The following FLRT2 variants were observed in gnomAD, a reference collection of about 807,000 sequenced individuals.
The protein encoded by FLRT2 is leucine-rich repeat transmembrane protein FLRT2.
A neutral mutation model predicts 40.0 loss-of-function variants in FLRT2; 15 were observed. That is an observed-to-expected ratio of 0.38 (90% CI 0.25 to 0.58). The LOEUF (loss-of-function observed/expected upper bound fraction) is 0.58, where lower values mean the gene tolerates loss of function less well. Ranked by LOEUF, FLRT2 falls within the 20% of genes least tolerant of loss-of-function variation. The pLI is 0.71. For missense variants in FLRT2, 726 were observed against 840.0 expected (o/e 0.86, Z 1.68); for synonymous variants, 380 against 336.8 (o/e 1.13, Z -1.41).
At position 85,641,073 on chromosome 14, in the gene FLRT2, G is replaced by A. The variant is rs901846545; in HGVS notation, c.*17576G>A. 1.3e-4 allele frequency: 20 copies of A among 152,186 alleles called. No homozygotes were observed. Among genetic ancestry groups the A allele is most frequent in the African/African-American group, 3.9e-4 (16 of 41,444 alleles). The allele number at this position is 152,186 out of a possible 1,614,324, so 9.4% of individuals were successfully genotyped here. A position where few individuals can be genotyped will look rare whatever the true frequency, so the allele number is the denominator to read the frequency against. On this transcript the variant is annotated 3_prime_UTR_variant, in exon 2 of 2. Coordinates refer to ENST00000330753, the MANE Select transcript of FLRT2 (RefSeq NM_013231.6). ...CAATTATTCTAATCCCTTCCACAAA[G>A]TATTTAGTCTATGACTTATTTCTGC...
intron 1 of FLRT2, among the ~76,000 whole-genome samples, chr14:85,589,745 C>G (rs1231097805): frequency 1.3e-5 from 2 of 152,092 alleles, no homozygotes; most frequent in African/African-American, 4.8e-5. Context: ...TCTTTGAGGT[C>G]TTAGATTTAA....
At chr14:85,546,020 T>G (rs1889260679) in intron 1 of FLRT2, among the ~76,000 whole-genome samples, 1 of 152,204 alleles carries the variant, frequency 6.6e-6, no homozygotes, top group Non-Finnish European at 1.5e-5. Context: ...GGCGGTAAGC[T>G]TTTATTGGGT....
chr14:85,594,986 A>G (rs867684696), intron 1 of FLRT2, among the ~76,000 whole-genome samples: 2 of 152,202 alleles, frequency 1.3e-5, no homozygotes, highest in Admixed American at 6.5e-5. Context: ...TAAATGTATT[A>G]AGTGGAAATG....
intron 1 of FLRT2, among the ~76,000 whole-genome samples, chr14:85,563,914 T>C (rs778730667): frequency 6.6e-5 from 10 of 152,214 alleles, no homozygotes; most frequent in Non-Finnish European, 1.5e-4. Context: ...ACTCAATGGA[T>C]GATAATTGAT....
chr14:85,543,375 A>G (rs1379689976), intron 1 of FLRT2, among the ~76,000 whole-genome samples: 2 of 152,092 alleles, frequency 1.3e-5, no homozygotes, highest in East Asian at 1.9e-4. Flanking sequence ...ATATTGCTCA[A>G]TTTAACTCCA....
At chr14:85,544,303 C>T (rs553358598) in intron 1 of FLRT2, among the ~76,000 whole-genome samples, 13 of 152,268 alleles carry the variant, frequency 8.5e-5, no homozygotes, top group Admixed American at 7.2e-4. Flanking sequence ...ATAATAATTT[C>T]GCTTGATGAT....
intron 1 of FLRT2, among the ~76,000 whole-genome samples, chr14:85,608,894 A>G (rs977169250): frequency 4.6e-5 from 7 of 152,198 alleles, no homozygotes; most frequent in East Asian, 1.9e-4. Flanking sequence ...AAATCTCATT[A>G]GCAAGTTGTT....
In FLRT2 at chr14:85,649,360, T is replaced by C; in HGVS notation, c.*25863T>C. The stretch of plus-strand genomic sequence containing the variant: ...ATGCTGTAACTCTTATTTGCATCCA[T>C]TGGTCTTTTGGTTTATGTGCTTTAA... On this transcript the variant is annotated 3_prime_UTR_variant, in exon 2 of 2. Transcript: ENST00000330753. The C allele has an allele frequency of 6.6e-6, 1 of 152,102 alleles. No individual in the cohort carries two copies. The highest frequency in any genetic ancestry group is 6.6e-5 in the Admixed American group (1 of 15,254). The allele number at this position is 152,102 out of a possible 1,614,324, so 9.4% of individuals were successfully genotyped here.
intron 1 of FLRT2, among the ~76,000 whole-genome samples, chr14:85,595,925 T>C (rs938720761): frequency 6.6e-6 from 1 of 152,160 alleles, no homozygotes; most frequent in Non-Finnish European, 1.5e-5. Context: ...CAAGAAGTGA[T>C]CGTGTTTCTT....
At chr14:85,533,422 C>T (rs1187011137) in intron 1 of FLRT2, among the ~76,000 whole-genome samples, 2 of 152,022 alleles carry the variant, frequency 1.3e-5, no homozygotes, top group African/African-American at 2.4e-5. Flanking sequence ...TGCGCCCGCC[C>T]CCGCGCAGCG....
chr14:85,539,863 C>G (rs7145733), intron 1 of FLRT2, among the ~76,000 whole-genome samples: 42,236 of 152,092 alleles, frequency 0.28, 6,017 homozygotes, highest in African/African-American at 0.33. Context: ...GCTCTTACGG[C>G]CTCAAGAGAT....
At chr14:85,574,713 C>T (rs902616555) in intron 1 of FLRT2, among the ~76,000 whole-genome samples, 2 of 152,090 alleles carry the variant, frequency 1.3e-5, no homozygotes, top group Non-Finnish European at 2.9e-5. Flanking sequence ...TCATTGCATA[C>T]AGAAATTTGT....
chr14:85,537,580 G>A (rs1221831315), intron 1 of FLRT2, among the ~76,000 whole-genome samples: 3 of 151,238 alleles, frequency 2.0e-5, no homozygotes, highest in Non-Finnish European at 2.9e-5. Context: ...CTCCAATTAC[G>A]TATCTGTTTA....
At position 85,625,435 on chromosome 14, in the gene FLRT2, T is replaced by G. The variant is rs1416066012; in HGVS notation, c.*1938T>G. The stretch of plus-strand genomic sequence containing the variant: ...TAATAATATAGCCCAACTTATATGT[T>G]TTAATCTCCCTTGTCCCTCAGAATA... On this transcript the variant is annotated 3_prime_UTR_variant, in exon 2 of 2. Coordinates refer to ENST00000330753, the MANE Select transcript of FLRT2 (RefSeq NM_013231.6). The G allele has an allele frequency of 1.2e-5, 2 of 166,972 alleles. No homozygotes were observed. Among genetic ancestry groups the G allele is most frequent in the Non-Finnish European group, 2.9e-5 (2 of 68,124 alleles). The allele number at this position is 166,972 out of a possible 1,614,324, so 10.3% of individuals were successfully genotyped here. A position where few individuals can be genotyped will look rare whatever the true frequency, so the allele number is the denominator to read the frequency against.
intron 1 of FLRT2, among the ~76,000 whole-genome samples, chr14:85,592,732 C>A (rs541991144): frequency 3.8e-4 from 54 of 142,308 alleles, no homozygotes; most frequent in African/African-American, 1.4e-3. Context: ...AAGGTTGCAG[C>A]GAGCCGAGAT....
rs1894486983 is a variant in FLRT2 at position 85,653,783 on chromosome 14, T to C, written c.*30286T>C. 6.6e-6 allele frequency: 1 copy of C among 152,204 alleles called. No individual in the cohort carries two copies. Among genetic ancestry groups the C allele is most frequent in the Admixed American group, 6.5e-5 (1 of 15,270 alleles). The allele number at this position is 152,204 out of a possible 1,614,324, so 9.4% of individuals were successfully genotyped here. A position where few individuals can be genotyped will look rare whatever the true frequency, so the allele number is the denominator to read the frequency against. On this transcript the variant is annotated 3_prime_UTR_variant, in exon 2 of 2. Transcript: ENST00000330753. ...TTGCAGGGATGTTTTGAGGATATGT[T>C]GATGTGTGTGACTCCTTCTCTGTGT...
At chr14:85,587,190 C>T (rs1467426180) in intron 1 of FLRT2, among the ~76,000 whole-genome samples, 1 of 151,496 alleles carries the variant, frequency 6.6e-6, no homozygotes, top group Non-Finnish European at 1.5e-5. Context: ...ATACACACAC[C>T]AGCACTTACA....
chr14:85,570,369 TTACC>T (rs1266395395), intron 1 of FLRT2, among the ~76,000 whole-genome samples: 2 of 152,190 alleles, frequency 1.3e-5, no homozygotes, highest in Admixed American at 6.5e-5. Context: ...TCTTACTTTC[TTACC>T]TTAATCTGAT....
At chr14:85,564,177 C>T (rs542346628) in intron 1 of FLRT2, among the ~76,000 whole-genome samples, 2 of 152,288 alleles carry the variant, frequency 1.3e-5, no homozygotes, top group Admixed American at 6.5e-5. Flanking sequence ...TCTGCCTGTA[C>T]ATAGGGAATA....
Sources: gnomAD v4.1 joint callset for allele counts (sites outside exome capture counted in the v4.1 genomes callset) on GRCh38, gnomAD v4.1.1 for gene constraint, MANE v1.5 for transcripts, NCBI Gene and HGNC (gene_info 2026-07-23, HGNC 2026-07-21) for gene names.